Variants in CTCFL observed in about 807,000 individuals in gnomAD.
The protein encoded by CTCFL is CCCTC-binding factor like, also known as transcriptional repressor CTCFL.
In CTCFL, 36 loss-of-function variants were observed where a neutral mutation model predicts 67.4. The observed-to-expected ratio is 0.53, with a 90% CI of 0.41 to 0.71. CTCFL has a LOEUF of 0.71. Among genes scored for constraint, CTCFL ranks in the 30% least tolerant of loss-of-function variants. CTCFL has a pLI of 0.00. For missense variants in CTCFL, 786 were observed against 835.2 expected (o/e 0.94, Z 0.73); for synonymous variants, 324 against 302.3 (o/e 1.07, Z -0.75).
At chr20:57,517,245 C>A (rs939349615) in intron 5 of CTCFL, among the ~76,000 whole-genome samples, 1 of 148,844 alleles carries the variant, frequency 6.7e-6, no homozygotes, top group African/African-American at 2.5e-5. Flanking sequence ...CTGGATGACT[C>A]TTAAAGGTGG....
At chr20:57,523,403 T>C (rs1568885807) in intron 2 of CTCFL, 125 bp from the exon 3 acceptor site, 1 of 1,030,918 alleles carries the variant, frequency 9.7e-7, no homozygotes, top group Non-Finnish European at 1.4e-6. Context: ...CAATGTTAAT[T>C]ATTTCGCATC....
At position 57,514,743 on chromosome 20, in the gene CTCFL, T is replaced by C; in HGVS notation, c.1181-2A>G. 1 of 1,613,686 alleles carries C rather than the reference T, an allele frequency of 6.2e-7. No homozygotes were observed. The highest frequency in any genetic ancestry group is 8.5e-7 in the Non-Finnish European group (1 of 1,179,750). On this transcript the variant is annotated splice_acceptor_variant, in intron 6 of 10. Transcript: ENST00000243914. LOFTEE classifies it high-confidence loss of function. ...TGTGGCATTCGTAAGGCTTCTCACC[T>C]GAGATGCAGACAACAAAGTGATTCC...
At chr20:57,510,402 T>G (rs1275010286) in intron 8 of CTCFL, among the ~76,000 whole-genome samples, 1 of 152,222 alleles carries the variant, frequency 6.6e-6, no homozygotes, top group Non-Finnish European at 1.5e-5. Context: ...TTCTGTAAAA[T>G]TATCTATTTT....
intron 10 of CTCFL, among the ~76,000 whole-genome samples, chr20:57,501,241 T>C (rs1387526481): frequency 1.3e-5 from 2 of 152,170 alleles, no homozygotes; most frequent in Admixed American, 1.3e-4. Context: ...CCGGCACTTA[T>C]TAAAGAACCA....
At chr20:57,505,396 C>T (rs1447345887) in intron 9 of CTCFL, among the ~76,000 whole-genome samples, 1 of 151,690 alleles carries the variant, frequency 6.6e-6, no homozygotes, top group Admixed American at 6.6e-5. Context: ...GCTGGGACTA[C>T]AGGCATGTGC....
intron 10 of CTCFL, among the ~76,000 whole-genome samples, chr20:57,502,544 G>A (rs925833874): frequency 2.1e-5 from 3 of 145,238 alleles, no homozygotes; most frequent in African/African-American, 5.7e-5. Context: ...GAATGAGAAC[G>A]TGGGGTATTT....
At chr20:57,524,251 G>T in intron 1 of CTCFL, 35 bp from the exon 2 acceptor site, 1 of 1,569,352 alleles carries the variant, frequency 6.4e-7, no homozygotes, top group South Asian at 1.2e-5. Context: ...TTCCATAGGG[G>T]GGAGAAGGGG....
chr20:57,521,606 A>G (rs565435179), intron 3 of CTCFL, among the ~76,000 whole-genome samples: 244 of 152,372 alleles, frequency 1.6e-3, no homozygotes, highest in Admixed American at 2.5e-3. Flanking sequence ...GCTCAAACAA[A>G]AAACTTGTAC....
Position 57,523,265 on chromosome 20 carries a change from T to G in CTCFL, c.557A>C (p.Gln186Pro). 5 of 1,613,518 alleles carry G rather than the reference T, an allele frequency of 3.1e-6. No individual in the cohort carries two copies. Among genetic ancestry groups the G allele is most frequent in the Non-Finnish European group, 4.2e-6 (5 of 1,179,750 alleles). Residue 186 changes from glutamine to proline, a missense_variant, in exon 3 of 11, where the codon CAG (glutamine) becomes CCG (proline). By Grantham distance (76) the Gln-to-Pro change is moderately conservative. This residue lies in a region of CTCFL where 333 missense variants were observed against 304.6 expected (regional missense o/e 1.09). Coordinates refer to ENST00000243914, the MANE Select transcript of CTCFL (RefSeq NM_001386993.1). ...TTGLIKLEEE[Q>P]EKNQLLAERT... ...TTCAGCCAATAACTGGTTCTTCTCC[T>G]GCTCTTCCTCGAGCTAATAAACAAC...
intron 9 of CTCFL, chr20:57,507,376 A>T (rs1600648201): frequency 6.7e-4 from 338 of 503,958 alleles, no homozygotes; most frequent in South Asian, 1.2e-3. Flanking sequence ...TTTTTTTTTT[A>T]AAGTAGAGAC....
chr20:57,511,279 T>TTCTGTCCATC (rs1366035625), intron 8 of CTCFL, among the ~76,000 whole-genome samples: 1 of 152,012 alleles, frequency 6.6e-6, no homozygotes. Flanking sequence ...AGCTCAACAG[T>TTCTGTCCATC]TCTGTCCATC....
Position 57,504,279 on chromosome 20 carries a change from G to A in CTCFL, c.1675-678C>T, listed in dbSNP as rs1443827038. On this transcript the variant is annotated intron_variant, in intron 9 of 10. Transcript: ENST00000243914. ...GCATGAGCCACTGCACCCGCCCCCC[G>A]TCTCCTTTTTTTTTTTTGAGATGGG... Among the ~76,000 whole-genome samples, 58 of 140,582 alleles carry A rather than the reference G, an allele frequency of 4.1e-4. 2 individuals carry two copies. Among genetic ancestry groups the A allele is most frequent in the Non-Finnish European group, 7.1e-4 (46 of 65,100 alleles). 92.2% of individuals were successfully genotyped at this position (140,582 alleles called of 152,430 possible).
intron 7 of CTCFL, chr20:57,513,646 T>C: frequency 8.5e-7 from 1 of 1,182,098 alleles, no homozygotes; most frequent in Non-Finnish European, 1.1e-6. Context: ...GATGTGCTGG[T>C]ATCTACGGCA....
chr20:57,519,565 G>A (rs543894510), intron 3 of CTCFL, among the ~76,000 whole-genome samples, 188 bp from the exon 4 acceptor site: 66 of 152,248 alleles, frequency 4.3e-4, no homozygotes, highest in African/African-American at 1.4e-3. Context: ...ATGCATTTTC[G>A]CTGTTTCAAG....
intron 9 of CTCFL, among the ~76,000 whole-genome samples, chr20:57,504,176 C>T (rs776843196): frequency 5.5e-4 from 84 of 151,806 alleles, no homozygotes; most frequent in Non-Finnish European, 9.0e-4. Flanking sequence ...CGGGGTTTCA[C>T]CGTGTTAGCC....
chr20:57,505,551 C>A (rs527862678), intron 9 of CTCFL, among the ~76,000 whole-genome samples: 11 of 152,202 alleles, frequency 7.2e-5, no homozygotes, highest in Non-Finnish European at 1.5e-4. Context: ...CCACCGCGCC[C>A]GGCCTTAAAA....
In CTCFL at chr20:57,498,002, A is replaced by C; in HGVS notation, c.*548T>G. 1.1e-6 allele frequency: 1 copy of C among 910,950 alleles called. No homozygotes were observed. Among genetic ancestry groups the C allele is most frequent in the Non-Finnish European group, 1.3e-6 (1 of 762,188 alleles). 56.4% of individuals were successfully genotyped at this position (910,950 alleles called of 1,614,324 possible). On this transcript the variant is annotated 3_prime_UTR_variant, in exon 11 of 11. Transcript: ENST00000243914. ...GTTGAATTTAGAACTAATTAAAAGC[A>C]TTATGGTAGCTTTAAATTTTGTAGA... is the stretch of plus-strand genomic sequence containing the variant.
chr20:57,503,928 G>GA (rs756681835), intron 9 of CTCFL, among the ~76,000 whole-genome samples: 1,115 of 108,590 alleles, frequency 0.01, 15 homozygotes, highest in African/African-American at 0.031. Context: ...CTGAGTGACA[G>GA]AAAAAAAAAA....
Position 57,505,361 on chromosome 20 carries a change from T to C in CTCFL, c.1675-1760A>G, listed in dbSNP as rs540898879. On this transcript the variant is annotated intron_variant, in intron 9 of 10. Transcript: ENST00000243914. ...AGCTCCGCCTCCCGGGTTCATGCCA[T>C]TCTCCTGCCTCAGCCTCCCGAGTAG... Among the ~76,000 whole-genome samples, 25 of 151,886 alleles carry C rather than the reference T, an allele frequency of 1.6e-4. No individual in the cohort carries two copies. The East Asian group carries it at 4.8e-3, about 29-fold the overall frequency.
Sources: gnomAD v4.1 joint callset for allele counts (sites outside exome capture counted in the v4.1 genomes callset) on GRCh38, gnomAD v4.1.1 for gene constraint, gnomAD v4.1.1 regional missense constraint, MANE v1.5 for transcripts, NCBI Gene and HGNC (gene_info 2026-07-23, HGNC 2026-07-21) for gene names.